CES5A: variants seen among roughly 807,000 people sequenced by gnomAD.
The protein encoded by CES5A is carboxylesterase 5.
A neutral mutation model predicts 62.9 loss-of-function variants in CES5A; 67 were observed. That is an observed-to-expected ratio of 1.07 (90% CI 0.88 to 1.31). The LOEUF is 1.31. CES5A is among the 50% of genes most tolerant of loss of function. The pLI is 0.00. For missense variants in CES5A, 748 were observed against 708.5 expected (o/e 1.06, Z -0.63); for synonymous variants, 296 against 280.8 (o/e 1.05, Z -0.54).
Position 55,846,715 on chromosome 16 carries a change from T to C in CES5A, c.1497-33A>G, listed in dbSNP as rs1187191041. On this transcript the variant is annotated intron_variant, in intron 12 of 12. Transcript: ENST00000290567. ...GGAGAGCAGAAACAGGGGTGAGATTTTCCTCCTCACACCCCAGGCCTTGGC... is the reference window on the plus strand; with the variant it reads ...GGAGAGCAGAAACAGGGGTGAGATTCTCCTCCTCACACCCCAGGCCTTGGC... 3 of 1,612,804 alleles carry C rather than the reference T, an allele frequency of 1.9e-6. No individual in the cohort carries two copies. In the African/African-American group the frequency reaches 4.0e-5, roughly 22 times the overall value.
In CES5A at chr16:55,904,218, G is replaced by A. The variant is rs115917505; in HGVS notation, c.-256+21105C>T. Reference sequence around the variant, plus strand: ...AGAGATGAAGAATTGGCATGATCACGAAAGAGACCCAGTTCAACTCACTGT... The same window carrying A: ...AGAGATGAAGAATTGGCATGATCACAAAAGAGACCCAGTTCAACTCACTGT... On this transcript the variant is annotated intron_variant, in intron 1 of 12. Coordinates refer to the CES5A transcript ENST00000518005. 6.7e-3 allele frequency among the ~76,000 whole-genome samples: 1,014 copies of A among 152,314 alleles called. 15 individuals are homozygous for A. Among genetic ancestry groups the A allele is most frequent in the African/African-American group, 0.023 (966 of 41,560 alleles).
At chr16:55,856,600 T>C (rs1419421767) in intron 8 of CES5A, among the ~76,000 whole-genome samples, 155 bp from the exon 9 acceptor site, 1 of 152,206 alleles carries the variant, frequency 6.6e-6, no homozygotes, top group Non-Finnish European at 1.5e-5. Context: ...AGTGTGCTTG[T>C]CAGATAGTTA....
chr16:55,866,860 T>TAAAA (rs2033476433), intron 4 of CES5A, among the ~76,000 whole-genome samples: 1 of 151,390 alleles, frequency 6.6e-6, no homozygotes, highest in African/African-American at 2.4e-5. Flanking sequence ...AATAAAAAAA[T>TAAAA]AAACAAACAA....
chr16:55,873,136 G>A (rs2033627062), intron 2 of CES5A, among the ~76,000 whole-genome samples: 1 of 152,068 alleles, frequency 6.6e-6, no homozygotes, highest in African/African-American at 2.4e-5. Context: ...AGAGTTGGAA[G>A]ATTCTAGGGG....
At chr16:55,940,228 G>A (rs1177722432) in intron 2 of CES5A, among the ~76,000 whole-genome samples, 1 of 151,994 alleles carries the variant, frequency 6.6e-6, no homozygotes, top group Non-Finnish European at 1.5e-5. Context: ...AAAGGCTATG[G>A]AGAAAGTTAA....
At chr16:55,923,940 C>T (rs374390271) in intron 1 of CES5A, among the ~76,000 whole-genome samples, 4 of 151,838 alleles carry the variant, frequency 2.6e-5, no homozygotes, top group Admixed American at 6.6e-5. Context: ...CCTTATATGA[C>T]GAACTCACAG....
intron 1 of CES5A, among the ~76,000 whole-genome samples, chr16:55,951,558 C>T (rs2034557574): frequency 6.6e-6 from 1 of 151,962 alleles, no homozygotes; most frequent in Admixed American, 6.5e-5. Flanking sequence ...GTAAGATACA[C>T]CTAAAGCAAA....
At chr16:55,860,948 T>G (rs1191285810) in intron 7 of CES5A, among the ~76,000 whole-genome samples, 4 of 152,242 alleles carry the variant, frequency 2.6e-5, no homozygotes, top group African/African-American at 9.6e-5. Context: ...TTGTCAGCAG[T>G]CAGCTAGATT....
At chr16:55,906,050 TGACA>T (rs2034037801) in intron 1 of CES5A, among the ~76,000 whole-genome samples, 3 of 152,028 alleles carry the variant, frequency 2.0e-5, no homozygotes, top group African/African-American at 7.2e-5. Flanking sequence ...AGAGAGAAAG[TGACA>T]GACAGGATTT....
intron 2 of CES5A, among the ~76,000 whole-genome samples, chr16:55,949,430 C>G (rs1288312566): frequency 2.0e-5 from 3 of 152,214 alleles, no homozygotes; most frequent in African/African-American, 7.2e-5. Context: ...AGCTGTACCA[C>G]TGCCAGCAGT....
chr16:55,927,645 G>C (rs2034271715), upstream of CES5A, among the ~76,000 whole-genome samples: 1 of 152,188 alleles, frequency 6.6e-6, no homozygotes, highest in African/African-American at 2.4e-5. Flanking sequence ...GCAGTACAAA[G>C]GGGATGCTTA....
chr16:55,852,243 A>G (rs1219843036), intron 10 of CES5A, among the ~76,000 whole-genome samples: 3 of 152,204 alleles, frequency 2.0e-5, no homozygotes, highest in African/African-American at 7.2e-5. Flanking sequence ...AAAATGTAAA[A>G]AAGAGTATGC....
intron 2 of CES5A, among the ~76,000 whole-genome samples, chr16:55,938,719 G>C (rs1219173763): frequency 9.2e-6 from 1 of 108,850 alleles, no homozygotes. Context: ...CTGGGGGAGA[G>C]AGTGAGACTC....
intron 5 of CES5A, among the ~76,000 whole-genome samples, chr16:55,865,344 C>A (rs2033434582): frequency 6.6e-6 from 1 of 151,984 alleles, no homozygotes; most frequent in Non-Finnish European, 1.5e-5. Flanking sequence ...TGTGTGTGGA[C>A]AAGAAAGGAG....
chr16:55,885,834 G>A (rs2033809974), intron 1 of CES5A, among the ~76,000 whole-genome samples: 1 of 152,204 alleles, frequency 6.6e-6, no homozygotes, highest in South Asian at 2.1e-4. Flanking sequence ...GATATCAAGT[G>A]AATAGGCAAC....
chr16:55,866,005 G>A lies in CES5A; in HGVS notation c.663C>T (p.Thr221=), dbSNP rs2033450575. The A allele has an allele frequency of 6.2e-7, 1 of 1,614,192 alleles. No individual in the cohort carries two copies. Among genetic ancestry groups the A allele is most frequent in the East Asian group, 2.2e-5 (1 of 44,880 alleles). The stretch of plus-strand genomic sequence containing the variant: ...TGGCTCCCGCGGACTCGCCAAAGAT[G>A]GTCACAGAGCTGGGGTCCCCACCGA... The part of the protein sequence containing the change: ...EFFGGDPSSV[T]IFGESAGAIS... Residue 221 remains threonine (T), a synonymous_variant, in exon 5 of 13, where the codon ACC becomes ACT. Transcript: ENST00000290567.
At chr16:55,900,886 C>T (rs1267892330) in intron 1 of CES5A, among the ~76,000 whole-genome samples, 3 of 152,162 alleles carry the variant, frequency 2.0e-5, no homozygotes, top group East Asian at 1.9e-4. Flanking sequence ...TTAAAGTGCA[C>T]GTGGGAAGTG....
At position 55,852,998 on chromosome 16, in the gene CES5A, C is replaced by T. The variant is rs2033163323; in HGVS notation, c.1156G>A (p.Ala386Thr). Reference sequence around the variant, plus strand: ...TGCTTGTCATGGAAGTATTCATTAGCCACAAGGTGCAAATACTGAGGCGGG... The same window carrying T: ...TGCTTGTCATGGAAGTATTCATTAGTCACAAGGTGCAAATACTGAGGCGGG... Reference protein sequence around the residue: ...HIPPQYLHLVANEYFHDKHSL... With the variant: ...HIPPQYLHLVTNEYFHDKHSL... Residue 386 changes from alanine (A) to threonine (T), a missense_variant, in exon 10 of 13, where the codon GCT (alanine) becomes ACT (threonine). Ala to Thr is a moderately conservative substitution (Grantham distance 58). Coordinates refer to ENST00000290567, the MANE Select transcript of CES5A (RefSeq NM_001143685.2). The T allele has an allele frequency of 4.3e-6, 7 of 1,614,000 alleles. 1 individual carries two copies. The highest frequency in any genetic ancestry group is 5.1e-6 in the Non-Finnish European group (6 of 1,180,004).
chr16:55,866,455 G>T (rs7187404), intron 4 of CES5A, among the ~76,000 whole-genome samples: 31,718 of 151,476 alleles, frequency 0.21, 4,043 homozygotes, highest in Middle Eastern at 0.33. Context: ...TTCCTGAGAG[G>T]TGATCTGTAC....
Sources: gnomAD v4.1 joint callset for allele counts (sites outside exome capture counted in the v4.1 genomes callset) on GRCh38, gnomAD v4.1.1 for gene constraint, MANE v1.5 for transcripts, NCBI Gene and HGNC (gene_info 2026-07-23, HGNC 2026-07-21) for gene names.